AUTS2: variants seen among roughly 807,000 people sequenced by gnomAD.
AUTS2 encodes activator of transcription and developmental regulator AUTS2.
AUTS2 carries 17 observed loss-of-function variants against 112.4 expected under a neutral mutation model. The ratio of observed to expected loss-of-function variants is 0.15; its 90% CI spans 0.10 to 0.23. The LOEUF (loss-of-function observed/expected upper bound fraction) is 0.23, where lower values mean the gene tolerates loss of function less well. Among genes scored for constraint, AUTS2 ranks in the 10% least tolerant of loss-of-function variants. The pLI, the probability that AUTS2 is intolerant of heterozygous loss-of-function variation, is 1.00. For missense variants in AUTS2, 1,510 were observed against 1,701.6 expected, an observed-to-expected ratio of 0.89 and a Z score of 1.98; for synonymous variants, 751 against 702.7, an observed-to-expected ratio of 1.07 and a Z score of -1.09.
intron 4 of AUTS2, among the ~76,000 whole-genome samples, chr7:70,134,974 G>A (rs1806474970): frequency 6.6e-6 from 1 of 152,146 alleles, no homozygotes; most frequent in African/African-American, 2.4e-5. Flanking sequence ...TATACAATGA[G>A]TTGCCTTTTT....
chr7:69,820,631 G>A (rs1790948519), intron 1 of AUTS2, among the ~76,000 whole-genome samples: 1 of 152,244 alleles, frequency 6.6e-6, no homozygotes, highest in Non-Finnish European at 1.5e-5. Context: ...AAGCTGGACT[G>A]TCAATCATGT....
chr7:70,210,571 CTG>C (rs1265664866), intron 4 of AUTS2, among the ~76,000 whole-genome samples: 1 of 152,196 alleles, frequency 6.6e-6, no homozygotes, highest in East Asian at 1.9e-4. Context: ...TCAAAAGCCT[CTG>C]TGGATTCATG....
chr7:70,668,647 A>C (rs746927087), intron 5 of AUTS2, among the ~76,000 whole-genome samples: 4 of 152,182 alleles, frequency 2.6e-5, no homozygotes, highest in Non-Finnish European at 5.9e-5. Context: ...GCTGTCCCCA[A>C]GTGGCCTCAA....
At chr7:70,276,430 AATGGTGTGTGTG>A (rs1428954943) in intron 4 of AUTS2, among the ~76,000 whole-genome samples, 1 of 147,728 alleles carries the variant, frequency 6.8e-6, no homozygotes, top group African/African-American at 2.5e-5. Context: ...GCTGGAGTGC[AATGGTGTGTGTG>A]ATTTCGGCTC....
intron 1 of AUTS2, among the ~76,000 whole-genome samples, chr7:69,727,912 A>G (rs1367848903): frequency 6.6e-6 from 1 of 152,214 alleles, no homozygotes; most frequent in Non-Finnish European, 1.5e-5. Context: ...CCCAGACCAT[A>G]CTTCATCCCA....
chr7:69,672,141 C>T (rs1796361030), intron 1 of AUTS2, among the ~76,000 whole-genome samples: 1 of 151,928 alleles, frequency 6.6e-6, no homozygotes, highest in Non-Finnish European at 1.5e-5. Flanking sequence ...CTCACTGCAA[C>T]CTCCGCCTCC....
intron 4 of AUTS2, among the ~76,000 whole-genome samples, chr7:70,398,099 TG>T (rs1249506616): frequency 1.3e-5 from 2 of 152,250 alleles, no homozygotes; most frequent in African/African-American, 4.8e-5. Flanking sequence ...GTTCAAATTC[TG>T]TTGTTCACAT....
chr7:70,575,101 C>T (rs770314892), intron 5 of AUTS2, among the ~76,000 whole-genome samples: 7 of 152,178 alleles, frequency 4.6e-5, no homozygotes, highest in Admixed American at 1.3e-4. Flanking sequence ...CTGCAGACAG[C>T]GAAGGCTTTA....
At chr7:69,707,509 C>T (rs1208188048) in intron 1 of AUTS2, among the ~76,000 whole-genome samples, 1 of 152,174 alleles carries the variant, frequency 6.6e-6, no homozygotes, top group Non-Finnish European at 1.5e-5. Flanking sequence ...AAAAGTCATG[C>T]TGCCACTTCC....
At chr7:70,051,392 T>A (rs1801746169) in intron 2 of AUTS2, among the ~76,000 whole-genome samples, 3 of 152,126 alleles carry the variant, frequency 2.0e-5, no homozygotes, top group Non-Finnish European at 4.4e-5. Context: ...ATGGTCAAAA[T>A]AAAGATACTC....
At chr7:69,680,553 T>G (rs1336969411) in intron 1 of AUTS2, among the ~76,000 whole-genome samples, 2 of 152,200 alleles carry the variant, frequency 1.3e-5, no homozygotes, top group East Asian at 1.9e-4. Context: ...GCTCCAGAAA[T>G]TTTTCATCTT....
intron 14 of AUTS2, among the ~76,000 whole-genome samples, chr7:70,781,035 A>T (rs1278442453): frequency 3.3e-5 from 5 of 152,282 alleles, no homozygotes; most frequent in African/African-American, 1.2e-4. Context: ...CATAAATAGG[A>T]TATGGTTTTA....
intron 5 of AUTS2, among the ~76,000 whole-genome samples, chr7:70,500,019 G>A (rs1432510652): frequency 6.6e-6 from 1 of 152,140 alleles, no homozygotes; most frequent in Non-Finnish European, 1.5e-5. Context: ...AAGACACGAT[G>A]TCCTTCGGAA....
intron 5 of AUTS2, among the ~76,000 whole-genome samples, chr7:70,486,506 C>T (rs181215859): frequency 0.011 from 1,679 of 152,130 alleles, 10 homozygotes; most frequent in Non-Finnish European, 0.017. Context: ...GGGGCTGAGG[C>T]GGGAGGATCA....
chr7:69,710,751 CCATTGCG>C (rs1205086375), intron 1 of AUTS2, among the ~76,000 whole-genome samples: 2 of 152,192 alleles, frequency 1.3e-5, no homozygotes, highest in Non-Finnish European at 2.9e-5. Flanking sequence ...ACTAACACCT[CCATTGCG>C]CTGTTTAAAT....
At chr7:70,729,113 G>T (rs542383034) in intron 6 of AUTS2, 1 of 455,626 alleles carries the variant, frequency 2.2e-6, no homozygotes, top group Non-Finnish European at 4.4e-6. Flanking sequence ...AAAATGGGGC[G>T]AAAACGACGG....
intron 1 of AUTS2, among the ~76,000 whole-genome samples, chr7:69,727,616 A>G (rs1338576873): frequency 6.6e-6 from 1 of 152,038 alleles, no homozygotes; most frequent in Non-Finnish European, 1.5e-5. Context: ...AAAATAAAAA[A>G]TCAGTTGCTT....
At chr7:69,621,212 A>G (rs1793642002) in intron 1 of AUTS2, among the ~76,000 whole-genome samples, 1 of 152,194 alleles carries the variant, frequency 6.6e-6, no homozygotes, top group Admixed American at 6.5e-5. Context: ...ACAGGCACAT[A>G]GAGTTTACAC....
At chr7:70,412,915 C>T (rs1794835328) in intron 4 of AUTS2, among the ~76,000 whole-genome samples, 2 of 152,250 alleles carry the variant, frequency 1.3e-5, no homozygotes, top group South Asian at 4.1e-4. Flanking sequence ...CGCTTGAACC[C>T]GGGGGTCAGA....
Sources: allele counts gnomAD v4.1 joint callset (sites outside exome capture counted in the v4.1 genomes callset), GRCh38; gene constraint gnomAD v4.1.1; transcripts MANE v1.5; gene names NCBI Gene and HGNC (gene_info 2026-07-23, HGNC 2026-07-21).